The following LIN52 variants were observed in gnomAD, a reference collection of about 807,000 sequenced individuals.
LIN52 encodes protein lin-52 homolog.
In LIN52, 4 loss-of-function variants were observed where a neutral mutation model predicts 18.5. The observed-to-expected ratio is 0.22, with a 90% CI of 0.11 to 0.49. The LOEUF is 0.49. LIN52 is among the 20% of genes least tolerant of loss of function. LIN52 has a pLI of 0.97. For synonymous variants in LIN52, 34 were observed against 45.5 expected, an observed-to-expected ratio of 0.75 and a Z score of 1.02; for missense variants, 102 against 139.5, an observed-to-expected ratio of 0.73 and a Z score of 1.35.
intron 5 of LIN52, among the ~76,000 whole-genome samples, chr14:74,162,391 G>A (rs1217083811): frequency 2.1e-5 from 3 of 144,306 alleles, no homozygotes; most frequent in South Asian, 2.2e-4. Context: ...CAGGAGAATC[G>A]CTTGAAACCA....
intron 5 of LIN52, among the ~76,000 whole-genome samples, chr14:74,144,765 A>G (rs148172679): frequency 6.6e-6 from 1 of 152,332 alleles, no homozygotes; most frequent in African/African-American, 2.4e-5. Flanking sequence ...GGCCTTTGGT[A>G]TGAATTATTC....
At chr14:74,140,607 G>A (rs2061124470) in intron 5 of LIN52, among the ~76,000 whole-genome samples, 1 of 152,190 alleles carries the variant, frequency 6.6e-6, no homozygotes, top group Non-Finnish European at 1.5e-5. Context: ...CTGTCAGAGG[G>A]GTGGTGACTG....
At chr14:74,194,885 C>T (rs2078900344) in intron 5 of LIN52, among the ~76,000 whole-genome samples, 1 of 152,196 alleles carries the variant, frequency 6.6e-6, no homozygotes, top group Admixed American at 6.5e-5. Flanking sequence ...TGGCTCATGC[C>T]TATAATCCTA....
rs971038812 is a variant in LIN52, at chr14:74,199,074, C to A, written c.*97C>A. ...CACCTCACTGCTTGCTTGGGAGAGG[C>A]CAGAGGGTGTACCTCCAGGACTGCC... On this transcript the variant is annotated 3_prime_UTR_variant, in exon 6 of 6. Transcript: ENST00000555028. 3.5e-6 allele frequency: 3 copies of A among 860,528 alleles called. No homozygotes were observed. Among genetic ancestry groups the A allele is most frequent in the Admixed American group, 3.7e-5 (2 of 54,440 alleles). 53.3% of individuals were successfully genotyped at this position (860,528 alleles called of 1,614,324 possible).
intron 5 of LIN52, among the ~76,000 whole-genome samples, chr14:74,124,328 G>A (rs1206556310): frequency 6.6e-6 from 1 of 152,164 alleles, no homozygotes; most frequent in East Asian, 1.9e-4. Context: ...GAGAGCCTTT[G>A]TAAAAGACCA....
chr14:74,147,574 TA>T (rs1479090166), intron 5 of LIN52, among the ~76,000 whole-genome samples: 3 of 152,106 alleles, frequency 2.0e-5, no homozygotes, highest in Non-Finnish European at 2.9e-5. Context: ...TCACAATAGC[TA>T]AAAGGTGGAA....
chr14:74,129,297 A>G (rs1011204226), intron 5 of LIN52, among the ~76,000 whole-genome samples: 2 of 152,206 alleles, frequency 1.3e-5, no homozygotes, highest in Non-Finnish European at 2.9e-5. Context: ...CAATGCCACG[A>G]TAGAAGATGC....
intron 5 of LIN52, among the ~76,000 whole-genome samples, chr14:74,187,917 G>A (rs970416398): frequency 2.6e-5 from 4 of 152,138 alleles, no homozygotes; most frequent in African/African-American, 9.7e-5. Context: ...GGCATGGAGA[G>A]CCTACATAAT....
At chr14:74,099,798 G>T (rs982391544) in intron 4 of LIN52, among the ~76,000 whole-genome samples, 1 of 152,082 alleles carries the variant, frequency 6.6e-6, no homozygotes, top group Non-Finnish European at 1.5e-5. Flanking sequence ...CTGGGTGGGG[G>T]CCACAAGATC....
At chr14:74,190,693 C>T (rs1013589580) in intron 5 of LIN52, among the ~76,000 whole-genome samples, 2 of 152,030 alleles carry the variant, frequency 1.3e-5, no homozygotes, top group African/African-American at 4.8e-5. Flanking sequence ...TGCCTGGCCA[C>T]CTAAAGAACT....
intron 5 of LIN52, among the ~76,000 whole-genome samples, chr14:74,116,830 GTTT>G (rs773924970): frequency 7.1e-6 from 1 of 140,176 alleles, no homozygotes; most frequent in Non-Finnish European, 1.6e-5. Flanking sequence ...TACAGCAGGT[GTTT>G]TTTTTTTTTT....
rs531004743 is a variant in LIN52, at chr14:74,178,657, G to A, written c.284-20265G>A. Among the ~76,000 whole-genome samples, 312 of 150,896 alleles carry A rather than the reference G, an allele frequency of 2.1e-3. 2 individuals carry two copies. The highest frequency in any genetic ancestry group is 7.1e-3 in the African/African-American group (293 of 41,202). ...ATTTTTTTAGTAGAGACGGGGTTTC[G>A]CCATATTGGCCAGGCTGGTCTCAAA... On this transcript the variant is annotated intron_variant, in intron 5 of 5. Transcript: ENST00000555028.
At chr14:74,094,284 A>G (rs1298987192) in intron 2 of LIN52, among the ~76,000 whole-genome samples, 1 of 151,422 alleles carries the variant, frequency 6.6e-6, no homozygotes, top group African/African-American at 2.4e-5. Context: ...AATTTGAGCA[A>G]GGGTCTCACT....
intron 5 of LIN52, among the ~76,000 whole-genome samples, chr14:74,118,962 G>A (rs569220502): frequency 6.6e-6 from 1 of 152,118 alleles, no homozygotes; most frequent in South Asian, 2.1e-4. Context: ...TTTGATCAGC[G>A]TTTAAATTAT....
chr14:74,187,710 TG>T (rs1673248384), intron 5 of LIN52, among the ~76,000 whole-genome samples: 1 of 152,232 alleles, frequency 6.6e-6, no homozygotes, highest in South Asian at 2.1e-4. Flanking sequence ...ACTTTACAAG[TG>T]TCGGTTGAAT....
chr14:74,147,861 A>G (rs558135368), intron 5 of LIN52, among the ~76,000 whole-genome samples: 18 of 152,306 alleles, frequency 1.2e-4, no homozygotes, highest in African/African-American at 3.8e-4. Context: ...CAGTTTTGCA[A>G]GTTGAAAAAG....
chr14:74,111,045 A>G (rs1194224868), intron 5 of LIN52, among the ~76,000 whole-genome samples: 1 of 152,214 alleles, frequency 6.6e-6, no homozygotes, highest in Non-Finnish European at 1.5e-5. Flanking sequence ...GAAGTTATCT[A>G]TACAACTTTA....
intron 5 of LIN52, among the ~76,000 whole-genome samples, chr14:74,107,711 A>C (rs551066285): frequency 1.3e-5 from 2 of 152,316 alleles, no homozygotes; most frequent in East Asian, 3.9e-4. Flanking sequence ...CAGACCAGTT[A>C]GTAGTCATGC....
At position 74,130,423 on chromosome 14, in the gene LIN52, G is replaced by A. The variant is rs995682985; in HGVS notation, c.283+29185G>A. Among the ~76,000 whole-genome samples the A allele has an allele frequency of 1.9e-4, 29 of 148,800 alleles. 1 individual carries two copies. The highest frequency in any genetic ancestry group is 3.5e-3 in the Middle Eastern group (1 of 286). ...CTCCCAAGTAGCTAGGATTACAGGC[G>A]TGTACCACCACTCCTGGCTAATTTT... On this transcript the variant is annotated intron_variant, in intron 5 of 5. Transcript: ENST00000555028.
Sources: allele counts gnomAD v4.1 joint callset (sites outside exome capture counted in the v4.1 genomes callset), GRCh38; gene constraint gnomAD v4.1.1; transcripts MANE v1.5; gene names NCBI Gene and HGNC (gene_info 2026-07-23, HGNC 2026-07-21).